The following RBFOX1 variants were observed in gnomAD, a reference collection of about 807,000 sequenced individuals.
The protein encoded by RBFOX1 is RNA binding protein fox-1 homolog 1.
Under a neutral mutation model 57.7 loss-of-function variants are expected in RBFOX1, and 8 were observed. The observed-to-expected ratio is 0.14, with a 90% CI of 0.08 to 0.25. RBFOX1 has a LOEUF of 0.25. RBFOX1 is among the 10% of genes least tolerant of loss of function. RBFOX1 has a pLI of 1.00. For missense variants in RBFOX1, 611 were observed against 548.5 expected, an observed-to-expected ratio of 1.11 and a Z score of -1.14; for synonymous variants, 326 against 222.4, an observed-to-expected ratio of 1.47 and a Z score of -4.15.
intron 1 of RBFOX1, among the ~76,000 whole-genome samples, chr16:5,301,370 A>G (rs2063798441): frequency 6.6e-6 from 1 of 152,122 alleles, no homozygotes; most frequent in Non-Finnish European, 1.5e-5. Context: ...CTGTAATACC[A>G]GCCCTTTGGG....
chr16:5,910,290 C>T (rs913281179), intron 4 of RBFOX1, among the ~76,000 whole-genome samples: 5 of 152,206 alleles, frequency 3.3e-5, no homozygotes, highest in African/African-American at 1.2e-4. Flanking sequence ...CACATAGCAT[C>T]ACACAGAGGG....
At chr16:5,448,063 A>T (rs777202433) in intron 1 of RBFOX1, among the ~76,000 whole-genome samples, 36 of 152,182 alleles carry the variant, frequency 2.4e-4, no homozygotes, top group Non-Finnish European at 4.4e-4. Context: ...TGGGAAGTGA[A>T]TCGAGGTCAG....
At chr16:7,605,149 C>G (rs1366537518) in intron 9 of RBFOX1, among the ~76,000 whole-genome samples, 1 of 152,060 alleles carries the variant, frequency 6.6e-6, no homozygotes, top group Non-Finnish European at 1.5e-5. Flanking sequence ...CCCATATCCT[C>G]AGGAATTAGA....
intron 2 of RBFOX1, among the ~76,000 whole-genome samples, chr16:6,487,184 C>T (rs2095503920): frequency 8.5e-6 from 1 of 118,112 alleles, no homozygotes; most frequent in African/African-American, 3.9e-5. Context: ...GTGTGTGTAC[C>T]CAAAAGGCCG....
At chr16:5,643,090 C>T (rs2048934456) in intron 3 of RBFOX1, among the ~76,000 whole-genome samples, 1 of 152,196 alleles carries the variant, frequency 6.6e-6, no homozygotes, top group Non-Finnish European at 1.5e-5. Flanking sequence ...GGCAGAGGCT[C>T]CGTGTTAACC....
intron 1 of RBFOX1, among the ~76,000 whole-genome samples, chr16:5,315,337 G>A (rs1199016035): frequency 3.3e-5 from 5 of 152,178 alleles, no homozygotes; most frequent in Non-Finnish European, 1.5e-5. Flanking sequence ...TTGCCCCACA[G>A]GCCACGTAAT....
chr16:7,569,126 C>T (rs910497193), intron 5 of RBFOX1, among the ~76,000 whole-genome samples: 1 of 152,180 alleles, frequency 6.6e-6, no homozygotes, highest in South Asian at 2.1e-4. Context: ...CAGGACCGTC[C>T]CATTGACAGT....
intron 5 of RBFOX1, among the ~76,000 whole-genome samples, chr16:7,563,333 GAC>G (rs1290962953): frequency 2.0e-5 from 3 of 152,212 alleles, no homozygotes; most frequent in Admixed American, 2.0e-4. Context: ...AAGGTAATGA[GAC>G]AGAGAGGTTA....
chr16:7,388,548 A>G, intron 4 of RBFOX1, among the ~76,000 whole-genome samples: 1 of 152,096 alleles, frequency 6.6e-6, no homozygotes, highest in East Asian at 1.9e-4. Context: ...CAACTGTAAA[A>G]GAAAGATAAC....
intron 1 of RBFOX1, among the ~76,000 whole-genome samples, chr16:6,313,763 C>G (rs1449178850): frequency 6.6e-6 from 1 of 151,876 alleles, no homozygotes; most frequent in East Asian, 1.9e-4. Context: ...GAGATTCTCC[C>G]TGGTCACAAA....
chr16:7,107,220 G>C (rs781302228), intron 4 of RBFOX1, among the ~76,000 whole-genome samples: 1 of 152,164 alleles, frequency 6.6e-6, no homozygotes, highest in South Asian at 2.1e-4. Flanking sequence ...TGAGTGGCTG[G>C]TGGGTATTAA....
chr16:6,676,650 TTTTTTCTTTTTG>T (rs1318996581), intron 3 of RBFOX1, among the ~76,000 whole-genome samples: 3 of 151,302 alleles, frequency 2.0e-5, no homozygotes, highest in Non-Finnish European at 2.9e-5. Context: ...TACTTTCTTT[TTTTTTCTTTTTG>T]TTTTTCTTTT....
At chr16:7,571,214 A>AAG (rs995477777) in intron 5 of RBFOX1, among the ~76,000 whole-genome samples, 2 of 57,954 alleles carry the variant, frequency 3.5e-5, no homozygotes, top group South Asian at 1.8e-3. Context: ...CTTAAGGAAG[A>AAG]AAAAAAAATC....
At chr16:6,315,546 TGGA>T (rs2152773277) in intron 1 of RBFOX1, among the ~76,000 whole-genome samples, 1 of 131,156 alleles carries the variant, frequency 7.6e-6, no homozygotes, top group South Asian at 2.4e-4. Flanking sequence ...GATGGATGGA[TGGA>T]TGGATGGATG....
intron 3 of RBFOX1, among the ~76,000 whole-genome samples, chr16:7,019,570 C>A (rs906462535): frequency 6.6e-6 from 1 of 152,102 alleles, no homozygotes; most frequent in Admixed American, 6.6e-5. Flanking sequence ...CTTTACAGTT[C>A]GAATGAATGA....
At chr16:6,781,955 C>G (rs111581952) in intron 3 of RBFOX1, among the ~76,000 whole-genome samples, 5,662 of 152,132 alleles carry the variant, frequency 0.037, 352 homozygotes, top group African/African-American at 0.13. Context: ...TTAGCCTGCT[C>G]TTACTTTTCT....
intron 1 of RBFOX1, among the ~76,000 whole-genome samples, chr16:5,367,050 C>G (rs1420298152): frequency 1.3e-5 from 2 of 152,164 alleles, no homozygotes; most frequent in Non-Finnish European, 2.9e-5. Context: ...GATGGTATGA[C>G]ATAGGTGGTT....
intron 2 of RBFOX1, among the ~76,000 whole-genome samples, chr16:6,374,508 T>C (rs1567147070): frequency 6.6e-6 from 1 of 152,198 alleles, no homozygotes; most frequent in South Asian, 2.1e-4. Flanking sequence ...TAATTTTGGA[T>C]CTATTATGTG....
At chr16:6,374,049 C>G (rs1443774773) in intron 2 of RBFOX1, among the ~76,000 whole-genome samples, 1 of 152,174 alleles carries the variant, frequency 6.6e-6, no homozygotes, top group Non-Finnish European at 1.5e-5. Flanking sequence ...GACAGTAAGT[C>G]AGTTAGAAAA....
Sources: gnomAD v4.1 joint callset for allele counts (sites outside exome capture counted in the v4.1 genomes callset) on GRCh38, gnomAD v4.1.1 for gene constraint, MANE v1.5 for transcripts, NCBI Gene and HGNC (gene_info 2026-07-23, HGNC 2026-07-21) for gene names.